DRD2: variants seen among roughly 807,000 people sequenced by gnomAD.
DRD2 encodes the protein D(2) dopamine receptor.
Under a neutral mutation model 38.0 loss-of-function variants are expected in DRD2, and 8 were observed. That is an observed-to-expected ratio of 0.21 (90% CI 0.12 to 0.38). The LOEUF (loss-of-function observed/expected upper bound fraction) is 0.38. Among genes scored for constraint, DRD2 ranks in the 10% least tolerant of loss-of-function variants. The pLI, the probability that DRD2 is intolerant of heterozygous loss-of-function variation, is 1.00. For missense variants in DRD2, 403 were observed against 607.7 expected (o/e 0.66, Z 3.54); for synonymous variants, 230 against 238.6 (o/e 0.96, Z 0.33).
intron 5 of DRD2, 51 bp from the exon 6 acceptor site, chr11:113,414,512 G>A (rs1950803225): frequency 6.2e-7 from 1 of 1,604,832 alleles, no homozygotes; most frequent in East Asian, 2.2e-5. Flanking sequence ...GGATGGAGGG[G>A]GGACAGAAAC....
intron 1 of DRD2, among the ~76,000 whole-genome samples, chr11:113,444,343 G>T (rs528695572): frequency 2.0e-5 from 3 of 152,292 alleles, no homozygotes; most frequent in Admixed American, 1.3e-4. Context: ...TGGTGTATTT[G>T]TACTCAAAGA....
chr11:113,429,819 C>T (rs1278919978), intron 1 of DRD2, among the ~76,000 whole-genome samples: 2 of 152,232 alleles, frequency 1.3e-5, no homozygotes, highest in South Asian at 4.1e-4. Flanking sequence ...TTTGGGGCCT[C>T]AGCCAGATTA....
chr11:113,427,977 A>C (rs933447569), intron 1 of DRD2, among the ~76,000 whole-genome samples: 25 of 152,144 alleles, frequency 1.6e-4, no homozygotes, highest in Admixed American at 1.4e-3. Flanking sequence ...AGGAGAGACC[A>C]AGTGGGAATG....
Position 113,412,853 on chromosome 11 carries a change from T to G in DRD2, c.841A>C (p.Met281Leu). 2.5e-6 allele frequency: 4 copies of G among 1,612,642 alleles called. No homozygotes were observed. The highest frequency in any genetic ancestry group is 3.4e-6 in the Non-Finnish European group (4 of 1,179,834). ...EAARRAQELEMEMLSSTSPPE... is the reference protein window; with the variant it reads ...EAARRAQELELEMLSSTSPPE... ...GGGCTGGTGCTGGAGAGCATCTCCATCTCCAGCTCCTGGGCTCGCCGGGCA... is the reference window on the plus strand; with the variant it reads ...GGGCTGGTGCTGGAGAGCATCTCCAGCTCCAGCTCCTGGGCTCGCCGGGCA... Residue 281 changes from methionine (M) to leucine (L), a missense_variant, in exon 7 of 8, where the codon ATG becomes CTG. Physicochemically the swap from Met to Leu is conservative, Grantham distance 15. Coordinates refer to ENST00000362072, the MANE Select transcript of DRD2 (RefSeq NM_000795.4).
chr11:113,433,366 C>A (rs578238969), intron 1 of DRD2, among the ~76,000 whole-genome samples: 8 of 152,166 alleles, frequency 5.3e-5, no homozygotes, highest in African/African-American at 1.4e-4. Flanking sequence ...TGGACTCCCC[C>A]ACAAACCACA....
At chr11:113,433,071 C>T (rs1951003807) in intron 1 of DRD2, among the ~76,000 whole-genome samples, 1 of 152,092 alleles carries the variant, frequency 6.6e-6, no homozygotes, top group Admixed American at 6.5e-5. Context: ...AGGGCAAAGC[C>T]TCTAAGCCCT....
At chr11:113,435,329 G>A (rs1226227397) in intron 1 of DRD2, among the ~76,000 whole-genome samples, 1 of 17,486 alleles carries the variant, frequency 5.7e-5, no homozygotes. Context: ...GTGACTCAGT[G>A]TGGGGGGGGG....
rs200557458 is a variant in DRD2 at position 113,409,758 on chromosome 11, C to T, written c.*969G>A. On this transcript the variant is annotated 3_prime_UTR_variant, in exon 8 of 8. Coordinates refer to ENST00000362072, the MANE Select transcript of DRD2 (RefSeq NM_000795.4). Reference sequence around the variant, plus strand: ...CAGATGGTTTTCAGCAGCCTCTTAGCCGTGGGCTCCTCTAAGGCAGAGGCA... The same window carrying T: ...CAGATGGTTTTCAGCAGCCTCTTAGTCGTGGGCTCCTCTAAGGCAGAGGCA... The T allele has an allele frequency of 2.7e-4, 41 of 153,116 alleles. No individual in the cohort carries two copies. The highest frequency in any genetic ancestry group is 8.2e-4 in the African/African-American group (34 of 41,580). 9.5% of individuals were successfully genotyped at this position (153,116 alleles called of 1,614,324 possible).
intron 1 of DRD2, among the ~76,000 whole-genome samples, chr11:113,431,123 C>T (rs1335182582): frequency 1.3e-5 from 2 of 152,202 alleles, no homozygotes; most frequent in Admixed American, 6.5e-5. Flanking sequence ...AACTCCAAAT[C>T]ACAATCCCCA....
Position 113,452,647 on chromosome 11 carries a change from CTTT to C in DRD2, c.-32+22426_-32+22428del, listed in dbSNP as rs36152573. Among the ~76,000 whole-genome samples the C allele has an allele frequency of 3.1e-3, 434 of 138,170 alleles. 2 individuals are homozygous for C. The highest frequency in any genetic ancestry group is 0.011 in the African/African-American group (421 of 37,482). 90.6% of individuals were successfully genotyped at this position (138,170 alleles called of 152,430 possible). On this transcript the variant is annotated intron_variant, in intron 1 of 7. Coordinates refer to ENST00000362072, the MANE Select transcript of DRD2 (RefSeq NM_000795.4). ...GGCCCTTCTCTGAACCAGTCCCCAT[CTTT>C]TTTTTTTTTTTTTCTGAGATAAGGT...
At chr11:113,434,419 G>A (rs941740081) in intron 1 of DRD2, among the ~76,000 whole-genome samples, 4 of 152,184 alleles carry the variant, frequency 2.6e-5, no homozygotes, top group East Asian at 3.9e-4. Context: ...CAGATCCTTC[G>A]TGAAGGGTAC....
Position 113,418,148 on chromosome 11 carries a change from G to A in DRD2, c.286-12C>T. On this transcript the variant is annotated splice_polypyrimidine_tract_variant and intron_variant, in intron 2 of 7. Coordinates refer to ENST00000362072, the MANE Select transcript of DRD2 (RefSeq NM_000795.4). ...CACTCACCTACCACCTGGGGACAAA[G>A]CAACATAATGGATGGACAGCAGGAG... 2 of 1,604,992 alleles carry A rather than the reference G, an allele frequency of 1.2e-6. No homozygotes were observed.
intron 1 of DRD2, among the ~76,000 whole-genome samples, chr11:113,446,587 A>T (rs2119881672): frequency 6.6e-6 from 1 of 152,198 alleles, no homozygotes; most frequent in Non-Finnish European, 1.5e-5. Context: ...TAGTTGCAAA[A>T]CCTCTGTTTC....
chr11:113,454,686 T>C (rs1022777639), intron 1 of DRD2, among the ~76,000 whole-genome samples: 6 of 152,230 alleles, frequency 3.9e-5, no homozygotes, highest in Non-Finnish European at 8.8e-5. Flanking sequence ...TTATTCATAA[T>C]AGCAGAAGTG....
intron 1 of DRD2, among the ~76,000 whole-genome samples, chr11:113,451,134 G>A (rs2119906894): frequency 6.6e-6 from 1 of 152,312 alleles, no homozygotes; most frequent in African/African-American, 2.4e-5. Context: ...TCAGCAACTT[G>A]CAGAATCGCC....
intron 1 of DRD2, among the ~76,000 whole-genome samples, chr11:113,429,169 A>G (rs1306502099): frequency 6.6e-6 from 1 of 152,252 alleles, no homozygotes; most frequent in East Asian, 1.9e-4. Flanking sequence ...AAGGGAAAAC[A>G]TGGCAAATGC....
At chr11:113,459,509 T>G (rs1439144148) in intron 1 of DRD2, among the ~76,000 whole-genome samples, 1 of 152,110 alleles carries the variant, frequency 6.6e-6, no homozygotes, top group East Asian at 1.9e-4. Flanking sequence ...AACCTAAGAC[T>G]CCTAATTCTA....
chr11:113,466,056 G>A (rs1951365999), intron 1 of DRD2, among the ~76,000 whole-genome samples: 3 of 152,142 alleles, frequency 2.0e-5, no homozygotes, highest in African/African-American at 7.2e-5. Context: ...CATCTCAAAG[G>A]GGTGATAGTA....
intron 1 of DRD2, among the ~76,000 whole-genome samples, chr11:113,469,733 G>A (rs1477547160): frequency 5.3e-5 from 8 of 152,120 alleles, no homozygotes; most frequent in South Asian, 2.1e-4. Flanking sequence ...CCAGCTGCTC[G>A]GGTGGCTGAA....
Sources: allele counts gnomAD v4.1 joint callset (sites outside exome capture counted in the v4.1 genomes callset), GRCh38; gene constraint gnomAD v4.1.1; transcripts MANE v1.5; gene names NCBI Gene and HGNC (gene_info 2026-07-23, HGNC 2026-07-21).